Variants in LRP12 observed in about 807,000 individuals in gnomAD.
The protein encoded by LRP12 is LDL receptor related protein 12, also known as low-density lipoprotein receptor-related protein 12.
A neutral mutation model predicts 66.0 loss-of-function variants in LRP12; 14 were observed. The ratio of observed to expected loss-of-function variants is 0.21; its 90% CI spans 0.14 to 0.33. LRP12 has a LOEUF of 0.33. LRP12 is among the 10% of genes least tolerant of loss of function. The pLI is 1.00. For missense variants in LRP12, 889 were observed against 1,053.4 expected (o/e 0.84, Z 2.16); for synonymous variants, 357 against 359.1 (o/e 0.99, Z 0.07).
intron 1 of LRP12, among the ~76,000 whole-genome samples, chr8:104,548,525 A>ATATG (rs1811668992): frequency 9.9e-6 from 1 of 100,692 alleles, no homozygotes; most frequent in Non-Finnish European, 1.9e-5. Flanking sequence ...TTTTGTATCT[A>ATATG]ATATATAATT....
chr8:104,551,595 G>A (rs975807210), intron 1 of LRP12, among the ~76,000 whole-genome samples: 8 of 152,064 alleles, frequency 5.3e-5, no homozygotes, highest in Non-Finnish European at 1.0e-4. Context: ...CCACTTAAAC[G>A]TGAGAATATG....
chr8:104,559,442 T>C (rs1042581210), intron 1 of LRP12, among the ~76,000 whole-genome samples: 1 of 149,226 alleles, frequency 6.7e-6, no homozygotes, highest in Non-Finnish European at 1.5e-5. Flanking sequence ...CAATGGACTT[T>C]GGGGACTCGG....
At chr8:104,539,872 GAT>G (rs769734541) in intron 1 of LRP12, among the ~76,000 whole-genome samples, 7 of 152,026 alleles carry the variant, frequency 4.6e-5, no homozygotes, top group Non-Finnish European at 8.8e-5. Context: ...TTTTTGTGAA[GAT>G]ATATATGCAG....
chr8:104,544,834 C>A (rs188001626), intron 1 of LRP12, among the ~76,000 whole-genome samples: 122 of 152,294 alleles, frequency 8.0e-4, no homozygotes, highest in African/African-American at 2.8e-3. Flanking sequence ...TATTTCCATG[C>A]CTGCTAACAC....
chr8:104,503,646 G>T (rs918178776), intron 3 of LRP12, among the ~76,000 whole-genome samples: 1 of 152,028 alleles, frequency 6.6e-6, no homozygotes, highest in Admixed American at 6.5e-5. Context: ...CTTAGAAATT[G>T]ATCTTATGTT....
At chr8:104,548,339 A>ATATAG (rs1554709964) in intron 1 of LRP12, among the ~76,000 whole-genome samples, 548 of 43,106 alleles carry the variant, frequency 0.013, 70 homozygotes, top group African/African-American at 0.075. Flanking sequence ...TATTATATAA[A>ATATAG]TATATAAATA....
intron 3 of LRP12, chr8:104,508,660 T>C (rs976479946): frequency 8.0e-5 from 20 of 250,982 alleles, no homozygotes; most frequent in African/African-American, 4.0e-4. Flanking sequence ...TTGACCCTAA[T>C]AGGCTATTTT....
chr8:104,517,772 A>G (rs2140850365), intron 2 of LRP12, among the ~76,000 whole-genome samples: 1 of 152,220 alleles, frequency 6.6e-6, no homozygotes, highest in Middle Eastern at 3.4e-3. Flanking sequence ...AGCAATTCCA[A>G]GTGTTGAAAA....
At chr8:104,493,455 G>A (rs1354677222) in intron 6 of LRP12, among the ~76,000 whole-genome samples, 2 of 152,180 alleles carry the variant, frequency 1.3e-5, no homozygotes, top group Non-Finnish European at 2.9e-5. Context: ...GGTAGTGTGA[G>A]GTAATAAAGA....
At chr8:104,542,696 A>G (rs1477221905) in intron 1 of LRP12, among the ~76,000 whole-genome samples, 3 of 152,166 alleles carry the variant, frequency 2.0e-5, no homozygotes, top group African/African-American at 4.8e-5. Context: ...GGCCTTACCA[A>G]TAACACAAAC....
At chr8:104,583,003 A>G (rs1284160345) in intron 1 of LRP12, among the ~76,000 whole-genome samples, 1 of 152,080 alleles carries the variant, frequency 6.6e-6, no homozygotes, top group East Asian at 1.9e-4. Context: ...CGGCAAGAGG[A>G]AAAATCCCCT....
intron 1 of LRP12, among the ~76,000 whole-genome samples, chr8:104,564,105 T>A (rs1588506644): frequency 6.7e-6 from 1 of 150,234 alleles, no homozygotes; most frequent in Admixed American, 6.6e-5. Flanking sequence ...ATATTTCTAC[T>A]TTACAATTTT....
intron 1 of LRP12, among the ~76,000 whole-genome samples, chr8:104,585,632 A>G (rs766715891): frequency 6.6e-6 from 1 of 152,214 alleles, no homozygotes; most frequent in Non-Finnish European, 1.5e-5. Flanking sequence ...CCAGCAAATG[A>G]AGAAGGGAAG....
chr8:104,575,173 C>G (rs936294637), intron 1 of LRP12, among the ~76,000 whole-genome samples: 1 of 152,226 alleles, frequency 6.6e-6, no homozygotes, highest in African/African-American at 2.4e-5. Flanking sequence ...CCTGAGTGAT[C>G]ATTCCTGCTT....
rs1810593897 is a variant in LRP12 at position 104,490,177 on chromosome 8, A to G, written c.*496T>C. ...CAAGTTCATATGATAATGAAATCCA[A>G]TAATAGACAAATGTCAAACAAATGA... is the stretch of plus-strand genomic sequence containing the variant. On this transcript the variant is annotated 3_prime_UTR_variant, in exon 7 of 7. Transcript: ENST00000276654. 1 of 152,776 alleles carries G rather than the reference A, an allele frequency of 6.5e-6. No homozygotes were observed. The highest frequency in any genetic ancestry group is 1.9e-4 in the East Asian group (1 of 5,200). The allele number at this position is 152,776 out of a possible 1,614,324, so 9.5% of individuals were successfully genotyped here. A position where few individuals can be genotyped will look rare whatever the true frequency, so the allele number is the denominator to read the frequency against.
At chr8:104,580,010 C>T (rs1192745836) in intron 1 of LRP12, among the ~76,000 whole-genome samples, 2 of 151,896 alleles carry the variant, frequency 1.3e-5, no homozygotes, top group African/African-American at 4.8e-5. Context: ...ATTCTAGACA[C>T]AAAAATAGGC....
chr8:104,526,461 A>C (rs1169990860), intron 2 of LRP12, among the ~76,000 whole-genome samples: 3 of 151,404 alleles, frequency 2.0e-5, no homozygotes, highest in South Asian at 2.1e-4. Context: ...CCAAAATAGC[A>C]TGGTACTGGT....
intron 1 of LRP12, among the ~76,000 whole-genome samples, chr8:104,547,992 T>C (rs1379707958): frequency 2.4e-5 from 3 of 125,694 alleles, no homozygotes; most frequent in South Asian, 2.4e-4. Context: ...ATAATTGTTA[T>C]ATTTTGTATA....
chr8:104,573,015 TAATGTTAAG>T (rs1812105690), intron 1 of LRP12, among the ~76,000 whole-genome samples: 2 of 152,068 alleles, frequency 1.3e-5, no homozygotes, highest in Non-Finnish European at 2.9e-5. Flanking sequence ...GTAGAAAAAA[TAATGTTAAG>T]TTGAATCGTA....
Sources: allele counts gnomAD v4.1 joint callset (sites outside exome capture counted in the v4.1 genomes callset), GRCh38; gene constraint gnomAD v4.1.1; transcripts MANE v1.5; gene names NCBI Gene and HGNC (gene_info 2026-07-23, HGNC 2026-07-21).